CHRM3: variants seen among roughly 807,000 people sequenced by gnomAD.
CHRM3 encodes muscarinic acetylcholine receptor M3.
Under a neutral mutation model 41.8 loss-of-function variants are expected in CHRM3, and 11 were observed. The observed-to-expected ratio is 0.26, with a 90% CI of 0.17 to 0.44. The LOEUF (loss-of-function observed/expected upper bound fraction) is 0.44, where lower values mean the gene tolerates loss of function less well. CHRM3 is among the 20% of genes least tolerant of loss of function. The probability of loss-of-function intolerance (pLI) is 1.00; values close to 1 mark genes in which losing one functional copy is unlikely to be tolerated. For synonymous variants in CHRM3, 297 were observed against 301.4 expected, an observed-to-expected ratio of 0.99 and a Z score of 0.15; for missense variants, 571 against 745.4, an observed-to-expected ratio of 0.77 and a Z score of 2.72.
At chr1:239,505,529 C>A (rs1435824126) in intron 2 of CHRM3, among the ~76,000 whole-genome samples, 1 of 152,178 alleles carries the variant, frequency 6.6e-6, no homozygotes, top group Non-Finnish European at 1.5e-5. Flanking sequence ...ATGCCTTTCA[C>A]CTTCTGCCAT....
Position 239,909,143 on chromosome 1 carries a change from C to A in CHRM3, c.1692C>A (p.Asp564Glu). The change falls in exon 7 of 7, where the codon GAC becomes GAA. Residue 564 changes from aspartate (D) to glutamate (E), a missense_variant. Asp to Glu is a conservative substitution (Grantham distance 45). This residue lies in a region of CHRM3 where 44 missense variants were observed against 39.7 expected (regional missense o/e 1.11). Transcript: ENST00000676153. Reference sequence around the variant, plus strand: ...AGATGCTGCTGCTGTGCCAGTGTGACAAAAAAAAGAGGCGCAAGCAGCAGT... The same window carrying A: ...AGATGCTGCTGCTGTGCCAGTGTGAAAAAAAAAAGAGGCGCAAGCAGCAGT... ...TFKMLLLCQC[D>E]KKKRRKQQYQ... is the part of the protein sequence containing the mutation. 6.2e-7 allele frequency: 1 copy of A among 1,611,972 alleles called. No individual in the cohort carries two copies. Among genetic ancestry groups the A allele is most frequent in the Non-Finnish European group, 8.5e-7 (1 of 1,179,336 alleles).
intron 4 of CHRM3, among the ~76,000 whole-genome samples, chr1:239,639,462 C>T (rs529487801): frequency 7.2e-5 from 11 of 152,276 alleles, no homozygotes; most frequent in African/African-American, 2.6e-4. Flanking sequence ...TGTAGTTCTT[C>T]TTGAAGAGGT....
intron 5 of CHRM3, among the ~76,000 whole-genome samples, chr1:239,736,372 G>T (rs926732555): frequency 3.3e-5 from 5 of 151,536 alleles, no homozygotes; most frequent in African/African-American, 1.2e-4. Flanking sequence ...TGTAGTTAAA[G>T]CCACAATCAA....
intron 4 of CHRM3, among the ~76,000 whole-genome samples, chr1:239,658,127 A>G (rs368709579): frequency 2.0e-3 from 305 of 152,340 alleles, no homozygotes; most frequent in African/African-American, 6.8e-3. Flanking sequence ...TAAGTATCTA[A>G]TAAATATGAG....
chr1:239,728,269 A>G (rs1663632383), intron 5 of CHRM3, among the ~76,000 whole-genome samples: 1 of 151,984 alleles, frequency 6.6e-6, no homozygotes, highest in Non-Finnish European at 1.5e-5. Flanking sequence ...TCATGGTTAT[A>G]TCCCCTTTGA....
chr1:239,744,002 G>T (rs1275622078), intron 5 of CHRM3, among the ~76,000 whole-genome samples: 2 of 148,858 alleles, frequency 1.3e-5, no homozygotes, highest in Non-Finnish European at 3.0e-5. Context: ...TAGAGACAGG[G>T]TCTTGCTATG....
chr1:239,610,029 A>G (rs1666817241), intron 3 of CHRM3, among the ~76,000 whole-genome samples: 1 of 151,872 alleles, frequency 6.6e-6, no homozygotes. Context: ...CGTCTCTACT[A>G]AAAATACAAA....
At chr1:239,637,344 T>G (rs1670566809) in intron 4 of CHRM3, among the ~76,000 whole-genome samples, 1 of 152,194 alleles carries the variant, frequency 6.6e-6, no homozygotes, top group African/African-American at 2.4e-5. Context: ...TCATTTCCAG[T>G]ATTTCACGTT....
chr1:239,737,552 AC>A (rs1169729871), intron 5 of CHRM3, among the ~76,000 whole-genome samples: 1 of 152,160 alleles, frequency 6.6e-6, no homozygotes, highest in Non-Finnish European at 1.5e-5. Context: ...CTTTGACCTC[AC>A]TTGCTTTTAC....
chr1:239,400,806 G>C (rs1018906469), intron 1 of CHRM3, among the ~76,000 whole-genome samples: 14 of 152,048 alleles, frequency 9.2e-5, no homozygotes, highest in African/African-American at 2.9e-4. Flanking sequence ...CCATTGGTCT[G>C]TGTGTGTGTG....
At chr1:239,884,768 G>C (rs529795295) in intron 6 of CHRM3, among the ~76,000 whole-genome samples, 1 of 152,288 alleles carries the variant, frequency 6.6e-6, no homozygotes, top group African/African-American at 2.4e-5. Context: ...GTGCTTACTA[G>C]TAGATGTTAA....
At chr1:239,853,729 C>T (rs1331944342) in intron 6 of CHRM3, among the ~76,000 whole-genome samples, 2 of 152,028 alleles carry the variant, frequency 1.3e-5, no homozygotes, top group African/African-American at 4.8e-5. Flanking sequence ...TTCCTCTCCT[C>T]TATGCAAAAA....
intron 6 of CHRM3, among the ~76,000 whole-genome samples, chr1:239,879,914 T>C (rs1297952181): frequency 1.3e-5 from 2 of 152,204 alleles, no homozygotes; most frequent in African/African-American, 2.4e-5. Context: ...ATTTCAAACA[T>C]CTGTTTGTTG....
At chr1:239,650,946 TAATATATGTA>T (rs1428992791) in intron 4 of CHRM3, among the ~76,000 whole-genome samples, 2 of 152,202 alleles carry the variant, frequency 1.3e-5, no homozygotes, top group Non-Finnish European at 1.5e-5. Context: ...ATGTGCACAT[TAATATATGTA>T]AATATATGTA....
chr1:239,771,083 A>G (rs1208624160), intron 5 of CHRM3, among the ~76,000 whole-genome samples: 1 of 149,822 alleles, frequency 6.7e-6, no homozygotes, highest in East Asian at 1.9e-4. Flanking sequence ...GCCAGACTCC[A>G]TCTCAAAAAA....
intron 2 of CHRM3, among the ~76,000 whole-genome samples, chr1:239,527,668 C>T (rs541855447): frequency 3.9e-5 from 6 of 152,300 alleles, no homozygotes; most frequent in East Asian, 1.9e-4. Flanking sequence ...TGTGTTCTTA[C>T]GGTGCTTGGT....
chr1:239,516,764 A>G (rs1669302011), intron 2 of CHRM3, among the ~76,000 whole-genome samples: 1 of 152,150 alleles, frequency 6.6e-6, no homozygotes, highest in Admixed American at 6.5e-5. Flanking sequence ...AGCGAGCGAA[A>G]CGTCTGTATT....
intron 6 of CHRM3, among the ~76,000 whole-genome samples, chr1:239,872,962 A>G (rs996893221): frequency 1.3e-5 from 2 of 152,000 alleles, no homozygotes; most frequent in Non-Finnish European, 2.9e-5. Context: ...CCTAAATTGC[A>G]TGCAGAATCC....
At chr1:239,595,295 G>T (rs557109482) in intron 3 of CHRM3, among the ~76,000 whole-genome samples, 7 of 152,198 alleles carry the variant, frequency 4.6e-5, no homozygotes, top group African/African-American at 1.7e-4. Context: ...TTTATATCAC[G>T]GACTTGAGCA....
Sources: gnomAD v4.1 joint callset for allele counts (sites outside exome capture counted in the v4.1 genomes callset) on GRCh38, gnomAD v4.1.1 for gene constraint, gnomAD v4.1.1 regional missense constraint, MANE v1.5 for transcripts, NCBI Gene and HGNC (gene_info 2026-07-23, HGNC 2026-07-21) for gene names.